The following BIRC6 variants were observed in gnomAD, a reference collection of about 807,000 sequenced individuals.
BIRC6 encodes the protein dual E2 ubiquitin-conjugating enzyme/E3 ubiquitin-protein ligase BIRC6.
In BIRC6, 98 loss-of-function variants were observed where a neutral mutation model predicts 503.3. That is an observed-to-expected ratio of 0.19 (90% CI 0.17 to 0.23). The LOEUF (loss-of-function observed/expected upper bound fraction) is 0.23. Ranked by LOEUF, BIRC6 falls within the 10% of genes least tolerant of loss-of-function variation. The pLI is 1.00. For synonymous variants in BIRC6, 2,240 were observed against 2,078.7 expected, an observed-to-expected ratio of 1.08 and a Z score of -2.11; for missense variants, 5,360 against 5,806.0, an observed-to-expected ratio of 0.92 and a Z score of 2.50.
chr2:32,471,959 A>T (rs990077484), intron 32 of BIRC6, among the ~76,000 whole-genome samples: 3 of 152,218 alleles, frequency 2.0e-5, no homozygotes, highest in Non-Finnish European at 2.9e-5. Context: ...GGGAATTCAT[A>T]TGTATAAGGA....
chr2:32,458,957 T>G (rs941792443), intron 23 of BIRC6, among the ~76,000 whole-genome samples: 4 of 152,170 alleles, frequency 2.6e-5, no homozygotes, highest in Admixed American at 6.5e-5. Context: ...CCCAAAGTGC[T>G]GGGATTACAA....
At position 32,429,257 on chromosome 2, in the gene BIRC6, C is replaced by A; in HGVS notation, c.2984C>A (p.Ser995Tyr). The A allele has an allele frequency of 6.5e-7, 1 of 1,538,926 alleles. No homozygotes were observed. ...GGAATAGAACCATCTTCAGAAGGTT[C>A]CAAACCTTTATCAAATCCTTCAAGT... ...SKGIEPSSEG[S>Y]KPLSNPSSPG... Residue 995 changes from serine to tyrosine, a missense_variant, in exon 11 of 74, where the codon TCC becomes TAC. Physicochemically the swap from Ser to Tyr is moderately radical, Grantham distance 144. Transcript: ENST00000421745.
chr2:32,442,053 C>T lies in BIRC6; in HGVS notation c.3945-12C>T, dbSNP rs1167556459. On this transcript the variant is annotated splice_polypyrimidine_tract_variant and intron_variant, in intron 17 of 73. Transcript: ENST00000421745. ...TTGTTTGGTAATGTGTTTATATTTT[C>T]TTTTTTTGTAGAGTGCAACGATGTG... The T allele has an allele frequency of 1.3e-6, 2 of 1,508,478 alleles. No homozygotes were observed. The highest frequency in any genetic ancestry group is 1.8e-6 in the Non-Finnish European group (2 of 1,130,590). 93.4% of individuals were successfully genotyped at this position (1,508,478 alleles called of 1,614,324 possible). A position where few individuals can be genotyped will look rare whatever the true frequency, so the allele number is the denominator to read the frequency against.
At chr2:32,578,736 C>T (rs1422969254) in intron 66 of BIRC6, among the ~76,000 whole-genome samples, 1 of 151,708 alleles carries the variant, frequency 6.6e-6, no homozygotes, top group Non-Finnish European at 1.5e-5. Flanking sequence ...GTGGGGGTTG[C>T]AGTGATCACA....
At chr2:32,608,020 T>G (rs900031167) in intron 72 of BIRC6, among the ~76,000 whole-genome samples, 6 of 149,244 alleles carry the variant, frequency 4.0e-5, no homozygotes, top group East Asian at 2.0e-4. Flanking sequence ...AAATATAGTT[T>G]GTTAGTATTC....
intron 61 of BIRC6, among the ~76,000 whole-genome samples, chr2:32,536,955 T>A (rs2057288995): frequency 6.6e-6 from 1 of 152,158 alleles, no homozygotes; most frequent in African/African-American, 2.4e-5. Context: ...GATTTGTAGT[T>A]CTCCTTGAAG....
intron 2 of BIRC6, 76 bp from the exon 3 acceptor site, chr2:32,380,075 AAG>A (rs1315611807): frequency 9.7e-7 from 1 of 1,031,434 alleles, no homozygotes; most frequent in East Asian, 2.7e-5. Context: ...AAATATCTGA[AAG>A]AGGATCTGAA....
Position 32,357,349 on chromosome 2 carries a change from T to A in BIRC6, c.188T>A (p.Met63Lys). The A allele has an allele frequency of 6.5e-7, 1 of 1,545,034 alleles. No individual in the cohort carries two copies. Among genetic ancestry groups the A allele is most frequent in the Non-Finnish European group, 8.7e-7 (1 of 1,146,088 alleles). The stretch of plus-strand genomic sequence containing the variant: ...TGGCTGGTGCTGCGGGACGGCTGCA[T>A]GCACTGCGACGCCGACGGGCTGCAC... ...SEWLVLRDGC[M>K]HCDADGLHSL... is the part of the protein sequence containing the mutation. Residue 63 changes from methionine to lysine, a missense_variant, in exon 1 of 74, where the codon ATG becomes AAG. Met to Lys is a moderately conservative substitution (Grantham distance 95, BLOSUM62 -1). This residue lies in a region of BIRC6 where 145 missense variants were observed against 106.9 expected (regional missense o/e 1.36). Transcript: ENST00000421745. This position sits in a 1 kb window ranked among gnomAD's most constrained non-coding sequence, Gnocchi z 4.9.
At chr2:32,598,018 T>C in intron 69 of BIRC6, 50 bp downstream of exon 69, 1 of 1,431,046 alleles carries the variant, frequency 7.0e-7, no homozygotes, top group South Asian at 1.2e-5. Context: ...TTGGCTCATC[T>C]AATTACTCAA....
At position 32,611,372 on chromosome 2, in the gene BIRC6, C is replaced by T. The variant is rs2062864861; in HGVS notation, c.14260-76C>T. 31 of 1,191,040 alleles carry T rather than the reference C, an allele frequency of 2.6e-5. No individual in the cohort carries two copies. The Middle Eastern group carries it at 7.7e-4, about 30-fold the overall frequency. 73.8% of individuals were successfully genotyped at this position (1,191,040 alleles called of 1,614,324 possible). A position where few individuals can be genotyped will look rare whatever the true frequency, so the allele number is the denominator to read the frequency against. On this transcript the variant is annotated intron_variant, in intron 72 of 73. Coordinates refer to ENST00000421745, the MANE Select transcript of BIRC6 (RefSeq NM_016252.4). ...AATGTATTTATAATACATTTTACTT[C>T]TTTGTAATGTCATTTACTGTGTCTT...
intron 38 of BIRC6, among the ~76,000 whole-genome samples, chr2:32,481,693 G>A (rs1449431809): frequency 5.9e-5 from 9 of 151,974 alleles, no homozygotes; most frequent in Non-Finnish European, 1.3e-4. Flanking sequence ...ATGAACCCAT[G>A]AGGTGGAGCT....
intron 33 of BIRC6, among the ~76,000 whole-genome samples, chr2:32,474,316 C>G (rs2049473894): frequency 6.6e-6 from 1 of 152,066 alleles, no homozygotes; most frequent in South Asian, 2.1e-4. Context: ...ATTACCTTTT[C>G]TTTTTGAGAC....
At position 32,469,597 on chromosome 2, in the gene BIRC6, C is replaced by T; in HGVS notation, c.6330C>T (p.Leu2110=). 4 of 1,612,908 alleles carry T rather than the reference C, an allele frequency of 2.5e-6. No individual in the cohort carries two copies. The highest frequency in any genetic ancestry group is 1.1e-5 in the South Asian group (1 of 90,998). Residue 2110 remains leucine (L), a synonymous_variant, in exon 30 of 74, where the codon CTC becomes CTT. Coordinates refer to ENST00000421745, the MANE Select transcript of BIRC6 (RefSeq NM_016252.4). ...LQELYNSEQL[L]IFPQDRVFML... ...AATTGTACAATTCGGAACAGCTTCT[C>T]ATCTTTCCACAGGATAGGTAGGTCA...
chr2:32,598,481 T>A (rs184980949), intron 69 of BIRC6, among the ~76,000 whole-genome samples: 46 of 152,312 alleles, frequency 3.0e-4, no homozygotes, highest in Admixed American at 1.2e-3. Context: ...ATGTTTTTTT[T>A]AAATTCCTAA....
At position 32,508,017 on chromosome 2, in the gene BIRC6, T is replaced by C. The variant is rs2053980963; in HGVS notation, c.9738T>C (p.Asp3246=). 1 of 1,613,942 alleles carries C rather than the reference T, an allele frequency of 6.2e-7. No individual in the cohort carries two copies. The highest frequency in any genetic ancestry group is 8.5e-7 in the Non-Finnish European group (1 of 1,179,868). Residue 3246 remains aspartate (D), a synonymous_variant, in exon 51 of 74, where the codon GAT becomes GAC. Transcript: ENST00000421745. ...PSSVSVEVSA[D]GVNMLPLSTP... is the part of the protein sequence containing the mutation. ...CAGTGTCTGTTGAAGTAAGTGCAGATGGGGTAAATATGCTACCTTTGTCCA... is the reference window on the plus strand; with the variant it reads ...CAGTGTCTGTTGAAGTAAGTGCAGACGGGGTAAATATGCTACCTTTGTCCA...
chr2:32,488,482 A>T, intron 41 of BIRC6, 106 bp from the exon 42 acceptor site: 2 of 930,798 alleles, frequency 2.1e-6, no homozygotes, highest in South Asian at 4.1e-5. Flanking sequence ...TTAATAGAAA[A>T]GGTTATTTAC....
At chr2:32,496,650 C>T (rs2149402182) in intron 45 of BIRC6, among the ~76,000 whole-genome samples, 1 of 152,162 alleles carries the variant, frequency 6.6e-6, no homozygotes. Context: ...CACCTTTGTT[C>T]TTTATTTTTA....
intron 8 of BIRC6, among the ~76,000 whole-genome samples, chr2:32,402,223 G>A (rs2040685123): frequency 6.6e-6 from 1 of 152,184 alleles, no homozygotes; most frequent in Admixed American, 6.6e-5. Flanking sequence ...TGGGGTGGGA[G>A]AGTCAAAGTA....
intron 41 of BIRC6, among the ~76,000 whole-genome samples, chr2:32,488,192 A>C (rs2051234333): frequency 6.6e-6 from 1 of 152,120 alleles, no homozygotes; most frequent in Non-Finnish European, 1.5e-5. Context: ...AAGTAAAAAA[A>C]ATTAACCAGG....
Sources: allele counts gnomAD v4.1 joint callset (sites outside exome capture counted in the v4.1 genomes callset), GRCh38; gene constraint gnomAD v4.1.1; regional missense constraint gnomAD v4.1.1; non-coding constraint Gnocchi (gnomAD v3.1); transcripts MANE v1.5; gene names NCBI Gene and HGNC (gene_info 2026-07-23, HGNC 2026-07-21).